VRK3: variants seen among roughly 807,000 people sequenced by gnomAD.
VRK3 encodes the protein VRK serine/threonine kinase 3, also known as serine/threonine-protein kinase VRK3.
A neutral mutation model predicts 60.4 loss-of-function variants in VRK3; 50 were observed. The observed-to-expected ratio is 0.83, with a 90% CI of 0.66 to 1.05. The LOEUF is 1.05. VRK3 is among the 50% of genes least tolerant of loss of function. VRK3 has a pLI of 0.00. For synonymous variants in VRK3, 246 were observed against 227.8 expected (o/e 1.08, Z -0.72); for missense variants, 549 against 585.3 (o/e 0.94, Z 0.64).
chr19:50,009,194 T>G, intron 4 of VRK3, 42 bp downstream of exon 4: 2 of 1,592,842 alleles, frequency 1.3e-6, no homozygotes, highest in Non-Finnish European at 1.7e-6. Flanking sequence ...GACCTAACTT[T>G]GCTCCACTTA....
At chr19:50,012,373 T>C (rs886970276) in intron 3 of VRK3, among the ~76,000 whole-genome samples, 2 of 152,240 alleles carry the variant, frequency 1.3e-5, no homozygotes, top group Non-Finnish European at 2.9e-5. Context: ...CCAGGGTCCA[T>C]TCAGTTCCCC....
chr19:49,995,137 A>G, intron 8 of VRK3, 54 bp downstream of exon 8: 1 of 1,579,666 alleles, frequency 6.3e-7, no homozygotes, highest in Non-Finnish European at 8.7e-7. Context: ...TGGAGTCACA[A>G]CAGGAAGAAG....
At chr19:50,018,897 G>C (rs955220261) in intron 2 of VRK3, 4 of 152,090 alleles carry the variant, frequency 2.6e-5, no homozygotes, top group Non-Finnish European at 4.4e-5. Context: ...CGGGCGCGGT[G>C]GCTCATGCCT....
intron 1 of VRK3, among the ~76,000 whole-genome samples, chr19:50,024,307 GTA>G (rs1238823678): frequency 6.6e-6 from 1 of 152,186 alleles, no homozygotes; most frequent in African/African-American, 2.4e-5. Context: ...CTCTCCATAA[GTA>G]TATGATTTGC....
chr19:50,001,775 A>G (rs2076811483), intron 5 of VRK3, among the ~76,000 whole-genome samples: 1 of 152,088 alleles, frequency 6.6e-6, no homozygotes, highest in South Asian at 2.1e-4. Context: ...CAGGGTTCAA[A>G]TCCCAGCTCC....
At chr19:49,985,907 C>T (rs530625150) in intron 12 of VRK3, among the ~76,000 whole-genome samples, 11 of 152,354 alleles carry the variant, frequency 7.2e-5, no homozygotes, top group African/African-American at 2.6e-4. Context: ...CCAGGAGCCC[C>T]TGCTTAGTAG....
chr19:50,020,475 C>T (rs1194043594), intron 2 of VRK3, 110 bp downstream of exon 2: 2 of 152,220 alleles, frequency 1.3e-5, no homozygotes, highest in Non-Finnish European at 2.9e-5. Flanking sequence ...TGACAACGTT[C>T]CTTCTGGGAG....
At chr19:49,977,505 G>A (rs73933924) in intron 14 of VRK3, among the ~76,000 whole-genome samples, 8,070 of 152,030 alleles carry the variant, frequency 0.053, 703 homozygotes, top group African/African-American at 0.18. Flanking sequence ...CACTGACGAC[G>A]GGAAGCCTGG....
intron 6 of VRK3, chr19:49,999,372 T>C (rs1229630826): frequency 6.6e-6 from 1 of 152,276 alleles, no homozygotes; most frequent in Non-Finnish European, 1.5e-5. Flanking sequence ...AGCAATCTCA[T>C]GTGGGGTATT....
At chr19:49,988,906 C>A (rs1323001325) in intron 11 of VRK3, among the ~76,000 whole-genome samples, 2 of 152,148 alleles carry the variant, frequency 1.3e-5, no homozygotes, top group Admixed American at 6.6e-5. Context: ...CACACGGGAG[C>A]CCAGAAGGAT....
intron 12 of VRK3, among the ~76,000 whole-genome samples, chr19:49,984,425 G>A (rs1018217073): frequency 1.2e-4 from 18 of 152,076 alleles, no homozygotes; most frequent in Non-Finnish European, 2.2e-4. Flanking sequence ...TCCAGGAGCC[G>A]GTGGCGGGGT....
At chr19:49,980,136 G>A (rs951274905) in intron 13 of VRK3, among the ~76,000 whole-genome samples, 4 of 152,130 alleles carry the variant, frequency 2.6e-5, no homozygotes, top group African/African-American at 4.8e-5. Flanking sequence ...ATCTGTTTCT[G>A]TCTGTCCATT....
At chr19:49,980,680 G>A (rs866464350) in intron 13 of VRK3, among the ~76,000 whole-genome samples, 28 of 151,954 alleles carry the variant, frequency 1.8e-4, no homozygotes, top group Middle Eastern at 3.4e-3. Context: ...TCGTACCATT[G>A]CACTCTAGCC....
intron 1 of VRK3, among the ~76,000 whole-genome samples, chr19:50,021,767 C>T (rs2077174350): frequency 6.6e-6 from 1 of 152,372 alleles, no homozygotes; most frequent in African/African-American, 2.4e-5. Context: ...GGAGTCCCTG[C>T]TGCACAGAGA....
chr19:50,000,101 G>A (rs1483550874), intron 6 of VRK3: 2 of 152,300 alleles, frequency 1.3e-5, no homozygotes, highest in Admixed American at 6.5e-5. Context: ...GCTGTCCCTG[G>A]TTTTCTGGGG....
intron 1 of VRK3, among the ~76,000 whole-genome samples, chr19:50,024,421 G>A (rs1160752265): frequency 6.6e-6 from 1 of 152,214 alleles, no homozygotes; most frequent in East Asian, 1.9e-4. Context: ...TGCCAAGTAA[G>A]TTGCAAAACA....
chr19:50,018,318 T>C (rs1305288933), intron 2 of VRK3, among the ~76,000 whole-genome samples: 1 of 152,226 alleles, frequency 6.6e-6, no homozygotes, highest in Non-Finnish European at 1.5e-5. Flanking sequence ...GTCATTAATA[T>C]TTCTATTCTT....
intron 6 of VRK3, 164 bp from the exon 7 acceptor site, chr19:49,997,734 A>C (rs1600683848): frequency 3.1e-6 from 2 of 636,626 alleles, no homozygotes; most frequent in East Asian, 5.8e-5. Flanking sequence ...CACATCAGAG[A>C]CTGCGAGCTA....
At chr19:50,023,896 T>C (rs117661751) in intron 1 of VRK3, among the ~76,000 whole-genome samples, 2,697 of 152,292 alleles carry the variant, frequency 0.018, 40 homozygotes, top group Middle Eastern at 0.034. Flanking sequence ...GTTAAGAGGA[T>C]AAACTTGGGA....
Sources: allele counts gnomAD v4.1 joint callset (sites outside exome capture counted in the v4.1 genomes callset), GRCh38; gene constraint gnomAD v4.1.1; transcripts MANE v1.5; gene names NCBI Gene and HGNC (gene_info 2026-07-23, HGNC 2026-07-21).